The following RGS7 variants were observed in gnomAD, a reference collection of about 807,000 sequenced individuals.
RGS7 encodes the protein regulator of G-protein signaling 7.
RGS7 carries 27 observed loss-of-function variants against 81.1 expected under a neutral mutation model. The ratio of observed to expected loss-of-function variants is 0.33; its 90% CI spans 0.25 to 0.46. The LOEUF is 0.46. Ranked by LOEUF, RGS7 falls within the 20% of genes least tolerant of loss-of-function variation. The pLI is 1.00. For missense variants in RGS7, 396 were observed against 607.4 expected (o/e 0.65, Z 3.66); for synonymous variants, 208 against 207.7 (o/e 1.00, Z -0.01).
At chr1:241,206,636 C>G (rs1165239246) in intron 2 of RGS7, among the ~76,000 whole-genome samples, 3 of 152,288 alleles carry the variant, frequency 2.0e-5, no homozygotes, top group Non-Finnish European at 4.4e-5. Context: ...CAATCTTATT[C>G]TTTGTCACGG....
chr1:241,257,000 G>C (rs2077085179), intron 2 of RGS7, among the ~76,000 whole-genome samples: 1 of 151,370 alleles, frequency 6.6e-6, no homozygotes, highest in Non-Finnish European at 1.5e-5. Flanking sequence ...ATATATATGT[G>C]TATATATGTG....
chr1:240,861,609 C>G (rs1285883537), intron 9 of RGS7, among the ~76,000 whole-genome samples: 6 of 152,122 alleles, frequency 3.9e-5, no homozygotes, highest in African/African-American at 1.4e-4. Flanking sequence ...AGTAGTCATA[C>G]AGAACCCAAT....
intron 4 of RGS7, among the ~76,000 whole-genome samples, chr1:240,974,978 G>T (rs2148524418): frequency 6.6e-6 from 1 of 152,034 alleles, no homozygotes; most frequent in Non-Finnish European, 1.5e-5. Flanking sequence ...CAGGATTGAA[G>T]CTCAAGCATG....
At chr1:240,830,439 G>T (rs573511219) in intron 9 of RGS7, among the ~76,000 whole-genome samples, 3 of 152,178 alleles carry the variant, frequency 2.0e-5, no homozygotes, top group Admixed American at 6.5e-5. Context: ...TGTTCTGGGG[G>T]TGCTTGGCCC....
chr1:241,049,646 T>C (rs1226627178), intron 3 of RGS7, among the ~76,000 whole-genome samples: 1 of 152,164 alleles, frequency 6.6e-6, no homozygotes, highest in African/African-American at 2.4e-5. Context: ...AATGGGTATG[T>C]TGGACGAACT....
chr1:241,256,793 C>T (rs890551928), intron 2 of RGS7, among the ~76,000 whole-genome samples: 1 of 152,088 alleles, frequency 6.6e-6, no homozygotes, highest in Non-Finnish European at 1.5e-5. Context: ...CTCCCAAAGA[C>T]CCTACTTCTT....
intron 9 of RGS7, among the ~76,000 whole-genome samples, chr1:240,867,869 G>T (rs1425974240): frequency 6.6e-6 from 1 of 151,904 alleles, no homozygotes; most frequent in Non-Finnish European, 1.5e-5. Context: ...AGGCTTGGTG[G>T]CACATGCCTG....
intron 12 of RGS7, 118 bp from the exon 13 acceptor site, chr1:240,813,846 T>C: frequency 1.4e-6 from 1 of 707,832 alleles, no homozygotes. Flanking sequence ...ACTTAAAGCA[T>C]GAAATCCAAT....
intron 2 of RGS7, among the ~76,000 whole-genome samples, chr1:241,229,869 T>C (rs919611738): frequency 1.3e-5 from 2 of 152,194 alleles, no homozygotes; most frequent in African/African-American, 2.4e-5. Flanking sequence ...ACATAAAGAA[T>C]AGCAATGGGC....
Position 241,271,507 on chromosome 1 carries a change from T to A in RGS7, c.78+84192A>T, listed in dbSNP as rs1452090645. On this transcript the variant is annotated intron_variant, in intron 2 of 18. Coordinates refer to ENST00000440928, the MANE Select transcript of RGS7 (RefSeq NM_001364886.1). The surrounding 1 kb of genome is among the most constrained non-coding windows in gnomAD (Gnocchi z 4.6). ...GTGACGGTTCATTTTACATGTCAACTTGACTGTTTCACAGGAGTGCCCAGG... is the reference window on the plus strand; with the variant it reads ...GTGACGGTTCATTTTACATGTCAACATGACTGTTTCACAGGAGTGCCCAGG... Among the ~76,000 whole-genome samples the A allele has an allele frequency of 6.6e-6, 1 of 152,256 alleles. No individual in the cohort carries two copies. Among genetic ancestry groups the A allele is most frequent in the Non-Finnish European group, 1.5e-5 (1 of 68,042 alleles).
At chr1:240,846,716 A>G (rs1461013759) in intron 9 of RGS7, among the ~76,000 whole-genome samples, 2 of 152,190 alleles carry the variant, frequency 1.3e-5, no homozygotes, top group African/African-American at 4.8e-5. Flanking sequence ...CCAATAAACT[A>G]TGACAGAAGA....
At chr1:241,054,513 G>T (rs1351914007) in intron 3 of RGS7, among the ~76,000 whole-genome samples, 1 of 152,120 alleles carries the variant, frequency 6.6e-6, no homozygotes, top group African/African-American at 2.4e-5. Flanking sequence ...TAATGTCATG[G>T]ATACTAATCT....
intron 2 of RGS7, among the ~76,000 whole-genome samples, chr1:241,276,250 C>T (rs2078188490): frequency 6.6e-6 from 1 of 152,156 alleles, no homozygotes; most frequent in African/African-American, 2.4e-5. Context: ...ACCTTGGGAC[C>T]TCATTCGTCC....
At chr1:240,783,299 A>G (rs1200874388) in intron 18 of RGS7, among the ~76,000 whole-genome samples, 1 of 152,200 alleles carries the variant, frequency 6.6e-6, no homozygotes, top group Non-Finnish European at 1.5e-5. Flanking sequence ...GTGAGCTATC[A>G]AAGGTATAAA....
intron 3 of RGS7, among the ~76,000 whole-genome samples, chr1:241,021,341 A>G (rs2059527061): frequency 6.6e-6 from 1 of 152,198 alleles, no homozygotes; most frequent in Non-Finnish European, 1.5e-5. Flanking sequence ...ATCATTTCCA[A>G]ACAAACAACA....
intron 4 of RGS7, among the ~76,000 whole-genome samples, chr1:240,971,941 G>A (rs1558541209): frequency 6.6e-6 from 1 of 152,120 alleles, no homozygotes; most frequent in Admixed American, 6.6e-5. Flanking sequence ...TGCTTCTACC[G>A]CTTCCCTCTA....
chr1:241,184,811 T>C (rs1184263599), intron 2 of RGS7, among the ~76,000 whole-genome samples: 4 of 152,254 alleles, frequency 2.6e-5, no homozygotes, highest in Admixed American at 1.3e-4. Context: ...GCATTTTGGA[T>C]AACAGATAGG....
At chr1:241,019,163 A>G (rs1336053776) in intron 3 of RGS7, among the ~76,000 whole-genome samples, 1 of 152,110 alleles carries the variant, frequency 6.6e-6, no homozygotes, top group Admixed American at 6.5e-5. Flanking sequence ...CCAGAAATTC[A>G]TCACATTTAC....
At chr1:240,889,880 C>T (rs1392337222) in intron 6 of RGS7, among the ~76,000 whole-genome samples, 1 of 152,104 alleles carries the variant, frequency 6.6e-6, no homozygotes, top group African/African-American at 2.4e-5. Flanking sequence ...CCATCGCATG[C>T]GCACACTAGA....
Sources: allele counts gnomAD v4.1 joint callset (sites outside exome capture counted in the v4.1 genomes callset), GRCh38; gene constraint gnomAD v4.1.1; non-coding constraint Gnocchi (gnomAD v3.1); transcripts MANE v1.5; gene names NCBI Gene and HGNC (gene_info 2026-07-23, HGNC 2026-07-21).